The following FAAH2 variants were observed in gnomAD, a reference collection of about 807,000 sequenced individuals.
FAAH2 encodes the protein fatty acid amide hydrolase 2, also known as fatty-acid amide hydrolase 2.
A neutral mutation model predicts 36.9 loss-of-function variants in FAAH2; 60 were observed. The observed-to-expected ratio is 1.63, with a 90% CI of 1.32 to 2.02. The LOEUF (loss-of-function observed/expected upper bound fraction) is 2.02. Ranked by LOEUF, FAAH2 falls within the 30% of genes most tolerant of loss-of-function variation. The pLI is 0.00. For synonymous variants in FAAH2, 214 were observed against 143.8 expected, an observed-to-expected ratio of 1.49 and a Z score of -3.49; for missense variants, 689 against 397.5, an observed-to-expected ratio of 1.73 and a Z score of -6.23.
intron 7 of FAAH2, among the ~76,000 whole-genome samples, chrX:57,427,351 TA>T (rs201417734): frequency 2.9e-4 from 32 of 108,484 alleles, no homozygotes; most frequent in Non-Finnish European, 4.2e-4. Context: ...TGAAACAATT[TA>T]AAAAAAAAAT....
chrX:57,240,914 A>G, the FAAH2 span, among the ~76,000 whole-genome samples: 1 of 112,298 alleles, frequency 8.9e-6, no homozygotes, highest in African/African-American at 3.2e-5. Context: ...GCCGCATCCT[A>G]CAGGCAACAT....
At chrX:57,266,978 C>T in the FAAH2 span, among the ~76,000 whole-genome samples, 2 of 112,159 alleles carry the variant, frequency 1.8e-5, no homozygotes, top group Non-Finnish European at 3.8e-5. Context: ...GGGCTAGTCC[C>T]ACCTGAGCAC....
intron 5 of FAAH2, among the ~76,000 whole-genome samples, chrX:57,348,175 G>A (rs1461667269): frequency 9.1e-6 from 1 of 110,181 alleles, no homozygotes. Context: ...TCGGGATCCT[G>A]CAGATTGCAC....
At chrX:57,142,637 G>T in the FAAH2 span, among the ~76,000 whole-genome samples, 1 of 111,493 alleles carries the variant, frequency 9.0e-6, no homozygotes, top group South Asian at 3.7e-4. Flanking sequence ...TTATGGTGCA[G>T]ATTAAGTCTG....
the FAAH2 span, among the ~76,000 whole-genome samples, chrX:57,198,680 G>A: frequency 2.7e-5 from 3 of 112,111 alleles, no homozygotes; most frequent in Non-Finnish European, 3.8e-5. Flanking sequence ...CATGTGTTTC[G>A]TCCCCAATTT....
At chrX:57,189,797 G>T in the FAAH2 span, among the ~76,000 whole-genome samples, 1 of 111,822 alleles carries the variant, frequency 8.9e-6, no homozygotes, top group Non-Finnish European at 1.9e-5. Context: ...ATGCCAGCCA[G>T]AGCTCTCTTG....
At chrX:57,209,228 C>A in the FAAH2 span, among the ~76,000 whole-genome samples, 36 of 111,725 alleles carry the variant, frequency 3.2e-4, no homozygotes, top group Admixed American at 7.6e-4. Flanking sequence ...TTTTCTTCCA[C>A]TTTTATCAAG....
At chrX:57,319,377 G>T (rs1376385435) in intron 3 of FAAH2, among the ~76,000 whole-genome samples, 1 of 110,927 alleles carries the variant, frequency 9.0e-6, no homozygotes, top group African/African-American at 3.3e-5. Context: ...TACACCAATA[G>T]TAGACAAAAA....
chrX:57,224,610 T>G, the FAAH2 span, among the ~76,000 whole-genome samples: 37 of 112,123 alleles, frequency 3.3e-4, no homozygotes, highest in South Asian at 0.011. Context: ...ACACCTACTC[T>G]GGCTGGAAGA....
At chrX:57,206,749 T>A in the FAAH2 span, among the ~76,000 whole-genome samples, 9 of 112,369 alleles carry the variant, frequency 8.0e-5, no homozygotes, top group Admixed American at 2.8e-4. Context: ...TTTCTTGGAA[T>A]CATAGCAGGA....
At chrX:57,198,681 T>C in the FAAH2 span, among the ~76,000 whole-genome samples, 1 of 112,359 alleles carries the variant, frequency 8.9e-6, no homozygotes, top group Admixed American at 9.4e-5. Flanking sequence ...ATGTGTTTCG[T>C]CCCCAATTTT....
intron 2 of FAAH2, among the ~76,000 whole-genome samples, chrX:57,307,095 G>C (rs1319951691): frequency 1.1e-5 from 1 of 94,482 alleles, no homozygotes; most frequent in Non-Finnish European, 2.1e-5. Flanking sequence ...CTATCGTTGG[G>C]CCAGTAGTAC....
intron 4 of FAAH2, among the ~76,000 whole-genome samples, chrX:57,334,969 G>A (rs1036633222): frequency 1.8e-5 from 2 of 111,418 alleles, no homozygotes; most frequent in Non-Finnish European, 3.8e-5. Flanking sequence ...AAGATATTCA[G>A]GACCTGAACT....
intron 5 of FAAH2, among the ~76,000 whole-genome samples, chrX:57,377,017 ATTTG>A (rs2054699952): frequency 8.9e-6 from 1 of 111,848 alleles, no homozygotes; most frequent in African/African-American, 3.3e-5. Context: ...TTTCTTGTAA[ATTTG>A]TTTAAGTTTC....
chrX:57,330,922 G>A (rs2053386026), intron 3 of FAAH2, among the ~76,000 whole-genome samples: 1 of 110,231 alleles, frequency 9.1e-6, no homozygotes, highest in Admixed American at 9.7e-5. Context: ...AGGGCCCCAG[G>A]ACGTACTTAG....
chrX:57,242,152 TC>T, the FAAH2 span, among the ~76,000 whole-genome samples: 2 of 112,250 alleles, frequency 1.8e-5, no homozygotes, highest in African/African-American at 6.5e-5. Flanking sequence ...CCCCCGTGCC[TC>T]CCGACTGGGA....
At chrX:57,250,708 C>T in the FAAH2 span, among the ~76,000 whole-genome samples, 1 of 109,019 alleles carries the variant, frequency 9.2e-6, no homozygotes, top group African/African-American at 3.3e-5. Flanking sequence ...TACAAAAGTT[C>T]ACACTAGTTG....
At position 57,378,463 on chromosome X, in the gene FAAH2, G is replaced by GA. The variant is rs764168008; in HGVS notation, c.743-180dup. On this transcript the variant is annotated intron_variant, in intron 5 of 10. Coordinates refer to ENST00000374900, the MANE Select transcript of FAAH2 (RefSeq NM_174912.4). ...GAAGTTCTTCGTTGGACTCTATTAG[G>GA]AAAAAAAATTCACTGCTTTTAAGAG... Among the ~76,000 whole-genome samples the GA allele has an allele frequency of 1.9e-4, 21 of 111,075 alleles. No individual in the cohort carries two copies. In the East Asian group the frequency reaches 5.1e-3, roughly 27 times the overall value.
At chrX:57,159,124 A>T in the FAAH2 span, among the ~76,000 whole-genome samples, 1 of 111,897 alleles carries the variant, frequency 8.9e-6, no homozygotes, top group African/African-American at 3.3e-5. Flanking sequence ...TGTTTTTGTC[A>T]GGTTTGTCAA....
Sources: allele counts gnomAD v4.1 joint callset (sites outside exome capture counted in the v4.1 genomes callset), GRCh38; gene constraint gnomAD v4.1.1; transcripts MANE v1.5; gene names NCBI Gene and HGNC (gene_info 2026-07-23, HGNC 2026-07-21).